TNIP1: variants seen among roughly 807,000 people sequenced by gnomAD.
TNIP1 encodes TNFAIP3-interacting protein 1.
TNIP1 carries 22 observed loss-of-function variants against 86.6 expected under a neutral mutation model. That is an observed-to-expected ratio of 0.25 (90% CI 0.18 to 0.36). The LOEUF (loss-of-function observed/expected upper bound fraction) is 0.36, where lower values mean the gene tolerates loss of function less well. Among genes scored for constraint, TNIP1 ranks in the 10% least tolerant of loss-of-function variants. The pLI is 1.00. For synonymous variants in TNIP1, 294 were observed against 313.0 expected, an observed-to-expected ratio of 0.94 and a Z score of 0.64; for missense variants, 709 against 820.6, an observed-to-expected ratio of 0.86 and a Z score of 1.66.
At chr5:151,063,995 C>T (rs527992099) in intron 2 of TNIP1, among the ~76,000 whole-genome samples, 2 of 152,314 alleles carry the variant, frequency 1.3e-5, no homozygotes, top group Admixed American at 6.5e-5. Context: ...CTATGAGAAA[C>T]TCCTCGGCTC....
At chr5:151,059,779 CAGAGAGAG>C (rs55637016) in intron 5 of TNIP1, among the ~76,000 whole-genome samples, 8,384 of 67,420 alleles carry the variant, frequency 0.12, 228 homozygotes, top group Admixed American at 0.22. Flanking sequence ...GTACGAGAGA[CAGAGAGAG>C]AGAGAGAGAG....
chr5:151,070,050 G>A (rs1378458393), intron 1 of TNIP1, among the ~76,000 whole-genome samples: 1 of 152,226 alleles, frequency 6.6e-6, no homozygotes, highest in Non-Finnish European at 1.5e-5. Flanking sequence ...ACTAGCCTCA[G>A]CTCTGTCCAC....
chr5:151,072,459 T>C (rs558824857), intron 1 of TNIP1, among the ~76,000 whole-genome samples: 14 of 152,258 alleles, frequency 9.2e-5, no homozygotes, highest in African/African-American at 3.4e-4. Context: ...GCAATCCAGA[T>C]CTCACCAACT....
intron 6 of TNIP1, 95 bp from the exon 7 acceptor site, chr5:151,052,354 C>CAGGGCCCAA: frequency 1.0e-6 from 1 of 982,952 alleles, no homozygotes; most frequent in Non-Finnish European, 1.6e-6. Context: ...GTAGCCACCC[C>CAGGGCCCAA]AGGGCCCAAC....
At chr5:151,065,307 A>G (rs113674443) in intron 1 of TNIP1, among the ~76,000 whole-genome samples, 176 bp from the exon 2 acceptor site, 1,710 of 152,292 alleles carry the variant, frequency 0.011, 36 homozygotes, top group African/African-American at 0.038. Context: ...TGCCTCTATT[A>G]ATACAACCTT....
At chr5:151,079,605 G>C (rs1318405467) in intron 1 of TNIP1, among the ~76,000 whole-genome samples, 1 of 140,868 alleles carries the variant, frequency 7.1e-6, no homozygotes, top group Non-Finnish European at 1.5e-5. Context: ...CTGGGTAACA[G>C]AGTGAGACTC....
intron 1 of TNIP1, 54 bp downstream of exon 1, chr5:151,080,826 T>G (rs1034184047): frequency 6.6e-6 from 1 of 152,374 alleles, no homozygotes; most frequent in Non-Finnish European, 1.5e-5. Flanking sequence ...CTGGACGATC[T>G]GGGCCTGGCC....
At chr5:151,036,204 A>C (rs1446086243) in intron 13 of TNIP1, among the ~76,000 whole-genome samples, 1 of 152,226 alleles carries the variant, frequency 6.6e-6, no homozygotes, top group African/African-American at 2.4e-5. Flanking sequence ...GCTAGGTTCA[A>C]GGCAGTTTAG....
At chr5:151,080,439 G>A (rs1006559773) in intron 1 of TNIP1, 2 of 152,196 alleles carry the variant, frequency 1.3e-5, no homozygotes, top group Non-Finnish European at 2.9e-5. Flanking sequence ...TACACGTACA[G>A]CGTTAAGATC....
chr5:151,038,019 C>A (rs1488997380), intron 12 of TNIP1, among the ~76,000 whole-genome samples: 1 of 152,200 alleles, frequency 6.6e-6, no homozygotes, highest in African/African-American at 2.4e-5. Context: ...GGTGTCTGTC[C>A]CTGGCTCTGC....
rs1172715974 is a variant in TNIP1 at position 151,040,073 on chromosome 5, GCT to G, written c.1135-850_1135-849del. On this transcript the variant is annotated intron_variant, in intron 11 of 17. Coordinates refer to ENST00000521591, the MANE Select transcript of TNIP1 (RefSeq NM_006058.5). ...TAGAACCCAGGTTTCCTATTCCCTT[GCT>G]CTCTCTCCTTCCATGTCAAAGGAGG... Among the ~76,000 whole-genome samples, 4 of 152,308 alleles carry G rather than the reference GCT, an allele frequency of 2.6e-5. No individual in the cohort carries two copies. The East Asian group carries it at 7.7e-4, about 29-fold the overall frequency.
intron 6 of TNIP1, among the ~76,000 whole-genome samples, chr5:151,053,845 G>A (rs577540185): frequency 1.0e-3 from 159 of 152,360 alleles, no homozygotes; most frequent in Non-Finnish European, 1.3e-3. Context: ...CACTGGCGGG[G>A]AGTAAAACTC....
At chr5:151,082,491 G>A (rs1196250699), upstream of TNIP1, among the ~76,000 whole-genome samples, 1 of 152,100 alleles carries the variant, frequency 6.6e-6, no homozygotes, top group Non-Finnish European at 1.5e-5. Flanking sequence ...TTTTCTTCCT[G>A]CTCTTTGTGC....
Position 151,039,224 on chromosome 5 carries a change from G to T in TNIP1, c.1136C>A (p.Thr379Asn). ...CTCTGCTGTCAGCTGCTCCTTGTCGGTCTGCAGGGAATACAAGGTTGGTAA... is the reference window on the plus strand; with the variant it reads ...CTCTGCTGTCAGCTGCTCCTTGTCGTTCTGCAGGGAATACAAGGTTGGTAA... ...LAKSKIEMEE[T>N]DKEQLTAEAK... Residue 379 changes from threonine to asparagine, a missense_variant and splice_region_variant, in exon 12 of 18, where the codon ACC becomes AAC. Coordinates refer to ENST00000521591, the MANE Select transcript of TNIP1 (RefSeq NM_006058.5). 1 of 1,611,728 alleles carries T rather than the reference G, an allele frequency of 6.2e-7. No homozygotes were observed. Among genetic ancestry groups the T allele is most frequent in the Non-Finnish European group, 8.5e-7 (1 of 1,179,596 alleles).
chr5:151,039,037 G>A, intron 12 of TNIP1, 60 bp downstream of exon 12: 9 of 1,572,676 alleles, frequency 5.7e-6, no homozygotes, highest in Non-Finnish European at 6.9e-6. Flanking sequence ...CAGTGATGGG[G>A]TGGGCATTGC....
chr5:151,062,246 G>T (rs757978757), intron 3 of TNIP1, 34 bp from the exon 4 acceptor site: 7 of 1,600,004 alleles, frequency 4.4e-6, no homozygotes, highest in Middle Eastern at 1.8e-4. Flanking sequence ...TGAACTGACT[G>T]GGAAGGGGAG....
intron 1 of TNIP1, among the ~76,000 whole-genome samples, chr5:151,069,510 T>G (rs1023169217): frequency 1.3e-5 from 2 of 152,150 alleles, no homozygotes; most frequent in Admixed American, 6.5e-5. Flanking sequence ...TCAGCCCAAT[T>G]TAATGCCTTT....
At chr5:151,079,621 CA>C (rs5872189) in intron 1 of TNIP1, among the ~76,000 whole-genome samples, 129,433 of 143,118 alleles carry the variant, frequency 0.9, 58,443 homozygotes, top group East Asian at 0.98. Context: ...GACTCTGTCT[CA>C]AAAAAAAAAA....
rs1757485476 is a variant in TNIP1, at chr5:151,034,794, G to T, written c.1587+208C>A. 9 of 594,786 alleles carry T rather than the reference G, an allele frequency of 1.5e-5. No homozygotes were observed. In the Admixed American group the frequency reaches 2.2e-4, roughly 15 times the overall value. 36.8% of individuals were successfully genotyped at this position (594,786 alleles called of 1,614,324 possible). A position where few individuals can be genotyped will look rare whatever the true frequency, so the allele number is the denominator to read the frequency against. ...ACATGGGCACGGAAGGTTGCTACCTGGACACAGAATGTCAACAGTGATGAC... is the reference window on the plus strand; with the variant it reads ...ACATGGGCACGGAAGGTTGCTACCTTGACACAGAATGTCAACAGTGATGAC... On this transcript the variant is annotated intron_variant, in intron 15 of 17. Transcript: ENST00000521591.
Sources: allele counts gnomAD v4.1 joint callset (sites outside exome capture counted in the v4.1 genomes callset), GRCh38; gene constraint gnomAD v4.1.1; transcripts MANE v1.5; gene names NCBI Gene and HGNC (gene_info 2026-07-23, HGNC 2026-07-21).